SLC24A2: variants seen among roughly 807,000 people sequenced by gnomAD.
SLC24A2 encodes sodium/potassium/calcium exchanger 2.
A neutral mutation model predicts 62.0 loss-of-function variants in SLC24A2; 36 were observed. The ratio of observed to expected loss-of-function variants is 0.58; its 90% CI spans 0.44 to 0.77. The LOEUF is 0.77. SLC24A2 is among the 30% of genes least tolerant of loss of function. SLC24A2 has a pLI of 0.00. For missense variants in SLC24A2, 846 were observed against 817.9 expected, an observed-to-expected ratio of 1.03 and a Z score of -0.42; for synonymous variants, 358 against 294.0, an observed-to-expected ratio of 1.22 and a Z score of -2.23.
At chr9:19,917,681 A>C in the SLC24A2 span, among the ~76,000 whole-genome samples, 1 of 152,062 alleles carries the variant, frequency 6.6e-6, no homozygotes, top group South Asian at 2.1e-4. Context: ...AACGTATTCT[A>C]ACAAATACTT....
chr9:19,625,469 A>G (rs1178397507), intron 2 of SLC24A2, among the ~76,000 whole-genome samples: 2 of 152,142 alleles, frequency 1.3e-5, no homozygotes, highest in Non-Finnish European at 2.9e-5. Context: ...TGGTGTGCCA[A>G]CGCAGACTCC....
At chr9:19,883,295 T>A in the SLC24A2 span, among the ~76,000 whole-genome samples, 1 of 152,220 alleles carries the variant, frequency 6.6e-6, no homozygotes, top group African/African-American at 2.4e-5. Flanking sequence ...TCTAGTATCA[T>A]AATTGTTATG....
chr9:20,137,405 A>G, the SLC24A2 span, among the ~76,000 whole-genome samples: 5 of 152,314 alleles, frequency 3.3e-5, no homozygotes, highest in East Asian at 7.7e-4. Flanking sequence ...TGAAATTGGA[A>G]GAGCTGGGTT....
the SLC24A2 span, among the ~76,000 whole-genome samples, chr9:19,852,399 C>T: frequency 6.6e-6 from 1 of 152,288 alleles, no homozygotes; most frequent in Non-Finnish European, 1.5e-5. Flanking sequence ...TTGCCCATGC[C>T]TATTTCCTGA....
rs1216046401 is a variant in SLC24A2 at position 19,636,378 on chromosome 9, T to C, written c.931-14079A>G. Among the ~76,000 whole-genome samples, 7 of 21,976 alleles carry C rather than the reference T, an allele frequency of 3.2e-4. 2 individuals carry two copies. The highest frequency in any genetic ancestry group is 2.1e-3 in the South Asian group (1 of 472). 14.4% of individuals were successfully genotyped at this position (21,976 alleles called of 152,430 possible). ...TTCTTTCTTTCTTTCTTTCTTTCTT[T>C]CTTTCTTTCTCCCTCTCTCTCTCTC... is the stretch of plus-strand genomic sequence containing the variant. On this transcript the variant is annotated intron_variant, in intron 2 of 10. Coordinates refer to ENST00000341998, the MANE Select transcript of SLC24A2 (RefSeq NM_020344.4).
chr9:20,045,334 T>G, the SLC24A2 span, among the ~76,000 whole-genome samples: 81,517 of 151,800 alleles, frequency 0.54, 22,688 homozygotes, highest in East Asian at 0.78. Context: ...AGGTGGGGAG[T>G]CTCCCTAAGG....
chr9:19,956,146 C>A, the SLC24A2 span, among the ~76,000 whole-genome samples: 1 of 152,130 alleles, frequency 6.6e-6, no homozygotes, highest in Non-Finnish European at 1.5e-5. Context: ...CTACGCTCTA[C>A]GTTTAGCTTT....
the SLC24A2 span, among the ~76,000 whole-genome samples, chr9:20,187,204 T>A: frequency 1.3e-5 from 2 of 152,150 alleles, no homozygotes; most frequent in Non-Finnish European, 2.9e-5. Context: ...ATGGAACAGA[T>A]CTTGGCTGAC....
At chr9:19,877,212 C>A in the SLC24A2 span, among the ~76,000 whole-genome samples, 2 of 150,730 alleles carry the variant, frequency 1.3e-5, no homozygotes, top group African/African-American at 4.9e-5. Flanking sequence ...GGAGGGAAAT[C>A]AGAGGAAGAA....
chr9:19,978,634 A>G, the SLC24A2 span, among the ~76,000 whole-genome samples: 1 of 152,304 alleles, frequency 6.6e-6, no homozygotes. Flanking sequence ...AGAAATATCA[A>G]TTGACTCCCA....
At chr9:20,279,038 A>C in the SLC24A2 span, among the ~76,000 whole-genome samples, 44 of 152,142 alleles carry the variant, frequency 2.9e-4, no homozygotes, top group Admixed American at 2.9e-3. Flanking sequence ...TGAGAGCAAA[A>C]TGGGGAAAAG....
chr9:20,206,535 G>C, the SLC24A2 span, among the ~76,000 whole-genome samples: 1 of 152,090 alleles, frequency 6.6e-6, no homozygotes, highest in Admixed American at 6.6e-5. Flanking sequence ...TGTCGCCCAG[G>C]CTGGAGTGCA....
the SLC24A2 span, among the ~76,000 whole-genome samples, chr9:20,229,940 G>A: frequency 1.1e-4 from 16 of 139,770 alleles, no homozygotes; most frequent in African/African-American, 4.1e-4. Flanking sequence ...GTGTCCATGT[G>A]TTCTCATTGT....
the SLC24A2 span, among the ~76,000 whole-genome samples, chr9:20,035,841 T>G: frequency 1.3e-5 from 2 of 152,186 alleles, no homozygotes; most frequent in Non-Finnish European, 2.9e-5. Context: ...TTTCTTCTCA[T>G]CCAATTTCAT....
the SLC24A2 span, among the ~76,000 whole-genome samples, chr9:20,111,669 G>A: frequency 2.0e-5 from 3 of 152,170 alleles, no homozygotes; most frequent in African/African-American, 4.8e-5. Flanking sequence ...CATCTTAATA[G>A]GTTCCCCAAA....
the SLC24A2 span, among the ~76,000 whole-genome samples, chr9:19,950,767 A>G: frequency 1.3e-5 from 2 of 152,212 alleles, no homozygotes; most frequent in Non-Finnish European, 2.9e-5. Flanking sequence ...AGATTTCATT[A>G]TCAGGTTGTG....
the SLC24A2 span, among the ~76,000 whole-genome samples, chr9:19,822,500 T>C: frequency 4.9e-4 from 74 of 152,318 alleles, no homozygotes; most frequent in African/African-American, 1.8e-3. Flanking sequence ...CTTTTCTTGA[T>C]GCAAAATCTG....
intron 2 of SLC24A2, among the ~76,000 whole-genome samples, chr9:19,690,683 T>C (rs938539176): frequency 6.6e-6 from 1 of 152,186 alleles, no homozygotes; most frequent in African/African-American, 2.4e-5. Flanking sequence ...TTCAGTTTCA[T>C]AAACTACTGT....
chr9:19,833,164 G>A, the SLC24A2 span, among the ~76,000 whole-genome samples: 3 of 152,116 alleles, frequency 2.0e-5, no homozygotes, highest in African/African-American at 7.2e-5. Flanking sequence ...GCAGAAAATG[G>A]GTGATTTCTG....
Sources: allele counts gnomAD v4.1 joint callset (sites outside exome capture counted in the v4.1 genomes callset), GRCh38; gene constraint gnomAD v4.1.1; transcripts MANE v1.5; gene names NCBI Gene and HGNC (gene_info 2026-07-23, HGNC 2026-07-21).